Variants in DAB1 observed in about 807,000 individuals in gnomAD.
DAB1 encodes disabled homolog 1.
DAB1 carries 15 observed loss-of-function variants against 64.6 expected under a neutral mutation model. The observed-to-expected ratio is 0.23, with a 90% confidence interval of 0.16 to 0.36. The LOEUF (loss-of-function observed/expected upper bound fraction) is 0.36, where lower values mean the gene tolerates loss of function less well. Among genes scored for constraint, DAB1 ranks in the 10% least tolerant of loss-of-function variants. The pLI, the probability that DAB1 is intolerant of heterozygous loss-of-function variation, is 1.00. For synonymous variants in DAB1, 235 were observed against 251.9 expected, an observed-to-expected ratio of 0.93 and a Z score of 0.64; for missense variants, 596 against 706.7, an observed-to-expected ratio of 0.84 and a Z score of 1.78.
chr1:57,867,120 C>T (rs909094953), intron 1 of DAB1: 1 of 152,132 alleles, frequency 6.6e-6, no homozygotes, highest in Non-Finnish European at 1.5e-5. Flanking sequence ...GTGTGTGATG[C>T]TTCCATGAAG....
At chr1:57,789,013 C>T (rs554555639) in intron 6 of DAB1, among the ~76,000 whole-genome samples, 3 of 152,172 alleles carry the variant, frequency 2.0e-5, no homozygotes, top group Non-Finnish European at 4.4e-5. Context: ...TTCGCTTAAA[C>T]AAACAAAACA....
intron 5 of DAB1, among the ~76,000 whole-genome samples, chr1:57,922,384 A>G (rs912776871): frequency 6.6e-6 from 1 of 152,086 alleles, no homozygotes; most frequent in Non-Finnish European, 1.5e-5. Context: ...AAAGGAAGGA[A>G]AGAAGAAAGG....
chr1:58,192,638 T>C (rs1417762611), intron 4 of DAB1, among the ~76,000 whole-genome samples: 1 of 152,184 alleles, frequency 6.6e-6, no homozygotes, highest in Admixed American at 6.5e-5. Flanking sequence ...TGTGCGTGTG[T>C]GTATGTGTAT....
intron 3 of DAB1, among the ~76,000 whole-genome samples, chr1:58,450,898 C>T (rs182833489): frequency 7.2e-5 from 11 of 152,308 alleles, no homozygotes; most frequent in African/African-American, 2.6e-4. Flanking sequence ...AAGGGCACTA[C>T]ACCTGTGCAA....
chr1:58,470,403 A>G (rs991088329), intron 3 of DAB1, among the ~76,000 whole-genome samples: 15 of 151,918 alleles, frequency 9.9e-5, no homozygotes, highest in Admixed American at 8.5e-4. Context: ...TGAACTCCTA[A>G]CCTCAAGTGA....
chr1:57,831,273 G>C (rs893663902), intron 1 of DAB1, among the ~76,000 whole-genome samples: 2 of 152,136 alleles, frequency 1.3e-5, no homozygotes, highest in African/African-American at 2.4e-5. Flanking sequence ...TCCTGGGAGG[G>C]AGAGAGATTA....
intron 1 of DAB1, among the ~76,000 whole-genome samples, chr1:57,846,999 G>C (rs879738068): frequency 7.2e-5 from 11 of 152,200 alleles, no homozygotes; most frequent in Admixed American, 6.5e-4. Flanking sequence ...AGTCTTGTAG[G>C]AGATGGGGCT....
At chr1:58,331,114 G>C (rs940749496) in intron 4 of DAB1, among the ~76,000 whole-genome samples, 1 of 152,172 alleles carries the variant, frequency 6.6e-6, no homozygotes, top group South Asian at 2.1e-4. Flanking sequence ...TGGGAGGAAG[G>C]TCAAACTATC....
At chr1:57,860,397 T>C (rs763697713) in intron 1 of DAB1, 1 of 152,190 alleles carries the variant, frequency 6.6e-6, no homozygotes, top group Non-Finnish European at 1.5e-5. Context: ...CATAAGAGTG[T>C]GCCTGACTCC....
At chr1:58,482,878 G>C (rs977721184) in intron 3 of DAB1, among the ~76,000 whole-genome samples, 1 of 152,114 alleles carries the variant, frequency 6.6e-6, no homozygotes, top group East Asian at 1.9e-4. Context: ...GACCTCACAG[G>C]TCATGCTAAG....
chr1:58,128,833 T>C (rs1412961795), intron 5 of DAB1, among the ~76,000 whole-genome samples: 2 of 149,268 alleles, frequency 1.3e-5, no homozygotes, highest in African/African-American at 5.0e-5. Context: ...GATAAGCTTT[T>C]TGATGTGCTG....
intron 7 of DAB1, among the ~76,000 whole-genome samples, chr1:57,477,117 G>C (rs1477636183): frequency 1.3e-5 from 2 of 152,208 alleles, no homozygotes. Context: ...CACTGAGTTG[G>C]AATTTGTCAG....
chr1:57,502,269 G>A (rs1004431067), intron 7 of DAB1, among the ~76,000 whole-genome samples: 1 of 138,566 alleles, frequency 7.2e-6, no homozygotes, highest in Admixed American at 8.4e-5. Context: ...GTAGTGAGCC[G>A]AGATTGGCCA....
At position 57,646,611 on chromosome 1, in the gene DAB1, T is replaced by C. The variant is rs368497255; in HGVS notation, n.625+2981A>G. ...AACAAATGAAAAAATTAGCTGGGTA[T>C]GGTGGTGTGTGCCTGTAGTCCTAGC... On this transcript the variant is annotated intron_variant and non_coding_transcript_variant, in intron 7 of 20. Coordinates refer to the DAB1 transcript ENST00000485760. Among the ~76,000 whole-genome samples the C allele has an allele frequency of 6.6e-5, 10 of 152,160 alleles. No homozygotes were observed. The East Asian group carries it at 1.4e-3, about 21-fold the overall frequency.
intron 3 of DAB1, among the ~76,000 whole-genome samples, chr1:58,382,015 A>T (rs1351974524): frequency 6.6e-6 from 1 of 152,260 alleles, no homozygotes; most frequent in African/African-American, 2.4e-5. Context: ...GAAAGGTCTA[A>T]TAACTATTTG....
Position 57,095,089 on chromosome 1 carries a change from C to T in DAB1, c.307-22675G>A, listed in dbSNP as rs112010723. Among the ~76,000 whole-genome samples, 347 of 152,302 alleles carry T rather than the reference C, an allele frequency of 2.3e-3. 2 individuals are homozygous for T. The highest frequency in any genetic ancestry group is 7.9e-3 in the African/African-American group (328 of 41,578). ...TCCCATCTACTGAAATTCAGACTCT[C>T]CTTCAGGCTGGGTTGACTCGTTTAC... On this transcript the variant is annotated intron_variant, in intron 4 of 14. Transcript: ENST00000371236.
At chr1:58,185,564 G>T (rs1032880027) in intron 4 of DAB1, among the ~76,000 whole-genome samples, 1 of 152,008 alleles carries the variant, frequency 6.6e-6, no homozygotes, top group Admixed American at 6.6e-5. Context: ...GTTTTGTTTT[G>T]TTTTGTTTTG....
chr1:57,457,560 T>G (rs1352133528), intron 7 of DAB1, among the ~76,000 whole-genome samples: 1 of 152,100 alleles, frequency 6.6e-6, no homozygotes, highest in Non-Finnish European at 1.5e-5. Context: ...GCATTCTCAA[T>G]GTATACAGAA....
At chr1:58,243,468 G>T (rs189844221) in intron 4 of DAB1, among the ~76,000 whole-genome samples, 52 of 152,236 alleles carry the variant, frequency 3.4e-4, no homozygotes, top group African/African-American at 1.2e-3. Flanking sequence ...TGAAAAGGTT[G>T]TCTGATGTCA....
Sources: gnomAD v4.1 joint callset for allele counts (sites outside exome capture counted in the v4.1 genomes callset) on GRCh38, gnomAD v4.1.1 for gene constraint, MANE v1.5 for transcripts, NCBI Gene and HGNC (gene_info 2026-07-23, HGNC 2026-07-21) for gene names.